Variants in NCKAP1L observed in about 807,000 individuals in gnomAD.
NCKAP1L encodes the protein NCK associated protein 1 like.
NCKAP1L carries 53 observed loss-of-function variants against 139.2 expected under a neutral mutation model. That is an observed-to-expected ratio of 0.38 (90% CI 0.31 to 0.48). The LOEUF is 0.48. Among genes scored for constraint, NCKAP1L ranks in the 20% least tolerant of loss-of-function variants. The probability of loss-of-function intolerance (pLI) is 0.98; values close to 1 mark genes in which losing one functional copy is unlikely to be tolerated. For synonymous variants in NCKAP1L, 468 were observed against 499.7 expected, an observed-to-expected ratio of 0.94 and a Z score of 0.85; for missense variants, 1,151 against 1,381.9, an observed-to-expected ratio of 0.83 and a Z score of 2.65.
In NCKAP1L at chr12:54,518,698, C is replaced by T. The variant is rs781431352; in HGVS notation, c.1386C>T (p.Phe462=). ...PEEESIIMSS[F]VSILSSLNLK... is the part of the protein sequence containing the mutation. ...AGGAGTCCATCATCATGTCCTCATTCGTCAGTATCCTCTCCTCTCTGAATC... is the reference window on the plus strand; with the variant it reads ...AGGAGTCCATCATCATGTCCTCATTTGTCAGTATCCTCTCCTCTCTGAATC... The change falls in exon 14 of 31, where the codon TTC becomes TTT. Residue 462 remains phenylalanine, a synonymous_variant. Transcript: ENST00000293373. The T allele has an allele frequency of 1.5e-5, 24 of 1,613,880 alleles. No homozygotes were observed. Among genetic ancestry groups the T allele is most frequent in the East Asian group, 2.2e-5 (1 of 44,890 alleles).
At position 54,532,065 on chromosome 12, in the gene NCKAP1L, T is replaced by C. The variant is rs111573061; in HGVS notation, c.2782-105T>C. ...ATGGCTTGGAAAGCTGGCTAGGTTCTTATCTAAATTGAGTGCCCCTCCTTT... is the reference window on the plus strand; with the variant it reads ...ATGGCTTGGAAAGCTGGCTAGGTTCCTATCTAAATTGAGTGCCCCTCCTTT... On this transcript the variant is annotated intron_variant, in intron 25 of 30. Coordinates refer to ENST00000293373, the MANE Select transcript of NCKAP1L (RefSeq NM_005337.5). 156 of 930,768 alleles carry C rather than the reference T, an allele frequency of 1.7e-4. No homozygotes were observed. In the African/African-American group the frequency reaches 2.1e-3, roughly 13 times the overall value. 57.7% of individuals were successfully genotyped at this position (930,768 alleles called of 1,614,324 possible). A position where few individuals can be genotyped will look rare whatever the true frequency, so the allele number is the denominator to read the frequency against.
In NCKAP1L at chr12:54,520,599, C is replaced by T; in HGVS notation, c.1626-95C>T. On this transcript the variant is annotated intron_variant, in intron 16 of 30. Transcript: ENST00000293373. ...ATCCTCTCCGCCTCAAAGGGACTAG[C>T]TCTTAAACTCTATTTTTCTTTTCCT... is the stretch of plus-strand genomic sequence containing the variant. 2.3e-6 allele frequency: 3 copies of T among 1,288,286 alleles called. No homozygotes were observed. The South Asian group carries it at 3.7e-5, about 16-fold the overall frequency. 79.8% of individuals were successfully genotyped at this position (1,288,286 alleles called of 1,614,324 possible).
At chr12:54,530,572 A>T (rs935427239) in intron 22 of NCKAP1L, among the ~76,000 whole-genome samples, 2 of 152,224 alleles carry the variant, frequency 1.3e-5, no homozygotes, top group African/African-American at 4.8e-5. Context: ...AAAACATACA[A>T]TAAACATCAG....
chr12:54,521,886 A>ATGTGTGTGTGTGTG (rs34410189), intron 18 of NCKAP1L, among the ~76,000 whole-genome samples: 1 of 147,210 alleles, frequency 6.8e-6, no homozygotes, highest in Non-Finnish European at 1.5e-5. Context: ...GAGTGTGTGT[A>ATGTGTGTGTGTGTG]TGTGTGTGTG....
chr12:54,506,796 A>AAAAAAAAAAAAAT, intron 3 of NCKAP1L, among the ~76,000 whole-genome samples: 2 of 50,606 alleles, frequency 4.0e-5, no homozygotes, highest in Non-Finnish European at 6.1e-5. Flanking sequence ...AAAAAAAAAA[A>AAAAAAAAAAAAAT]ATATATATAT....
Position 54,538,975 on chromosome 12 carries a change from T to C in NCKAP1L, c.3273+2T>C, listed in dbSNP as rs1426366890. On this transcript the variant is annotated splice_donor_variant, in intron 30 of 30. Transcript: ENST00000293373. LOFTEE classifies it high-confidence loss of function. ...TCCATTTCTCTGCTCATGCGCTTGG[T>C]AAGTACCTTATTTAAATTGGTGTGA... 1 of 1,613,248 alleles carries C rather than the reference T, an allele frequency of 6.2e-7. No homozygotes were observed. The highest frequency in any genetic ancestry group is 8.5e-7 in the Non-Finnish European group (1 of 1,179,398).
At position 54,542,568 on chromosome 12, in the gene NCKAP1L, C is replaced by T. The variant is rs1957166394; in HGVS notation, c.3274-7C>T. On this transcript the variant is annotated splice_polypyrimidine_tract_variant and splice_region_variant and intron_variant, in intron 30 of 30. Coordinates refer to ENST00000293373, the MANE Select transcript of NCKAP1L (RefSeq NM_005337.5). ...AGGTTCTCATCTCTTGGCCCCATCT[C>T]TTTCAGGTGGTGGAGGAGTCATCCT... 6.2e-7 allele frequency: 1 copy of T among 1,606,910 alleles called. No homozygotes were observed. Among genetic ancestry groups the T allele is most frequent in the Non-Finnish European group, 8.5e-7 (1 of 1,173,390 alleles).
intron 16 of NCKAP1L, among the ~76,000 whole-genome samples, chr12:54,519,585 A>G (rs143853084): frequency 6.6e-6 from 1 of 151,810 alleles, no homozygotes; most frequent in Admixed American, 6.6e-5. Flanking sequence ...CTCTTCATCA[A>G]TTCATTTGCT....
intron 10 of NCKAP1L, 78 bp downstream of exon 10, chr12:54,516,373 C>T: frequency 1.5e-6 from 2 of 1,359,786 alleles, no homozygotes; most frequent in Non-Finnish European, 2.1e-6. Context: ...CCTAAGCCAT[C>T]CTTAGTTTCT....
intron 5 of NCKAP1L, 97 bp from the exon 6 acceptor site, chr12:54,509,572 G>A: frequency 1.1e-5 from 9 of 816,816 alleles, no homozygotes; most frequent in Admixed American, 3.9e-5. Flanking sequence ...GGTGGGGAGT[G>A]CCAGCCTATG....
chr12:54,520,099 G>A (rs1956969340), intron 16 of NCKAP1L, among the ~76,000 whole-genome samples: 1 of 152,144 alleles, frequency 6.6e-6, no homozygotes, highest in Admixed American at 6.5e-5. Flanking sequence ...GGAGTATGTA[G>A]CTTACTCATT....
intron 3 of NCKAP1L, among the ~76,000 whole-genome samples, chr12:54,503,852 G>C (rs1956821237): frequency 2.0e-5 from 3 of 152,088 alleles, no homozygotes; most frequent in African/African-American, 7.2e-5. Context: ...TGTTGGCCAA[G>C]CTGGCCTCGA....
intron 1 of NCKAP1L, chr12:54,498,693 A>G (rs137864573): frequency 1.4e-6 from 1 of 695,634 alleles, no homozygotes; most frequent in African/African-American, 1.9e-5. Context: ...AAATTGTGAC[A>G]CTGAATCTTG....
chr12:54,531,931 T>G, intron 25 of NCKAP1L, 106 bp downstream of exon 25: 1 of 992,122 alleles, frequency 1.0e-6, no homozygotes, highest in Non-Finnish European at 1.5e-6. Context: ...TAACTTCTGC[T>G]TCAGAAGGGG....
intron 1 of NCKAP1L, among the ~76,000 whole-genome samples, 172 bp from the exon 2 acceptor site, chr12:54,499,183 C>T (rs1956775900): frequency 6.6e-6 from 1 of 152,152 alleles, no homozygotes; most frequent in Non-Finnish European, 1.5e-5. Flanking sequence ...CTCGGCCTCC[C>T]GAAGTGCTGG....
chr12:54,511,559 G>A (rs1375615167), intron 7 of NCKAP1L, among the ~76,000 whole-genome samples: 3 of 152,082 alleles, frequency 2.0e-5, no homozygotes, highest in South Asian at 2.1e-4. Context: ...GGTGCACACC[G>A]CCATGTCTGG....
At chr12:54,537,533 G>A (rs1354821589) in intron 29 of NCKAP1L, among the ~76,000 whole-genome samples, 2 of 152,124 alleles carry the variant, frequency 1.3e-5, no homozygotes, top group Admixed American at 6.5e-5. Flanking sequence ...GTAAATCTAG[G>A]CCTCTGTGTT....
Position 54,544,624 on chromosome 12 carries a change from C to T in NCKAP1L, c.*1939C>T, listed in dbSNP as rs1281765901. 1.3e-5 allele frequency: 2 copies of T among 152,156 alleles called. No homozygotes were observed. The highest frequency in any genetic ancestry group is 4.8e-5 in the African/African-American group (2 of 41,420). The allele number at this position is 152,156 out of a possible 1,614,324, so 9.4% of individuals were successfully genotyped here. ...CCCAGTTTTGCTTATGTTCATTTCT[C>T]TCTGTGTGTGCACGTGTGTGTGTTA... On this transcript the variant is annotated 3_prime_UTR_variant, in exon 31 of 31. Coordinates refer to ENST00000293373, the MANE Select transcript of NCKAP1L (RefSeq NM_005337.5).
chr12:54,533,555 A>G (rs1957090248), intron 26 of NCKAP1L, among the ~76,000 whole-genome samples: 1 of 151,764 alleles, frequency 6.6e-6, no homozygotes, highest in Non-Finnish European at 1.5e-5. Context: ...AAGTGTGTGT[A>G]TGTTGGTATG....
Sources: gnomAD v4.1 joint callset for allele counts (sites outside exome capture counted in the v4.1 genomes callset) on GRCh38, gnomAD v4.1.1 for gene constraint, MANE v1.5 for transcripts, NCBI Gene and HGNC (gene_info 2026-07-23, HGNC 2026-07-21) for gene names.